The following GMPS variants were observed in gnomAD, a reference collection of about 807,000 sequenced individuals.
GMPS encodes guanosine monophosphate synthase, also known as GMP synthase [glutamine-hydrolyzing].
In GMPS, 15 loss-of-function variants were observed where a neutral mutation model predicts 77.9. The ratio of observed to expected loss-of-function variants is 0.19; its 90% CI spans 0.13 to 0.30. The LOEUF (loss-of-function observed/expected upper bound fraction) is 0.30. GMPS is among the 10% of genes least tolerant of loss of function. GMPS has a pLI of 1.00. For missense variants in GMPS, 590 were observed against 838.8 expected (o/e 0.70, Z 3.66); for synonymous variants, 224 against 275.9 (o/e 0.81, Z 1.86).
At position 155,910,046 on chromosome 3, in the gene GMPS, C is replaced by T. The variant is rs1206932119; in HGVS notation, c.527-646C>T. Among the ~76,000 whole-genome samples, 3 of 150,924 alleles carry T rather than the reference C, an allele frequency of 2.0e-5. 1 individual carries two copies. Among genetic ancestry groups the T allele is most frequent in the Non-Finnish European group, 4.4e-5 (3 of 67,862 alleles). ...GATTACAAGGTCAGGAGATCAAGAC[C>T]AGCCTGGCCAATATGGTGAAACCCT... On this transcript the variant is annotated intron_variant, in intron 5 of 15. Transcript: ENST00000496455.
intron 12 of GMPS, 110 bp from the exon 13 acceptor site, chr3:155,931,655 T>C: frequency 1.8e-6 from 1 of 554,412 alleles, no homozygotes; most frequent in Non-Finnish European, 3.2e-6. Context: ...GCATAAGATA[T>C]TTTTCAATGC....
At chr3:155,906,327 C>T (rs1475789580) in intron 5 of GMPS, 64 bp downstream of exon 5, 5 of 864,780 alleles carry the variant, frequency 5.8e-6, no homozygotes, top group Non-Finnish European at 9.6e-6. Context: ...TAAGCATATG[C>T]TTCTGTATGA....
chr3:155,935,450 C>T (rs990036941), intron 14 of GMPS, among the ~76,000 whole-genome samples: 3 of 152,226 alleles, frequency 2.0e-5, no homozygotes, highest in Non-Finnish European at 4.4e-5. Context: ...TCAGGCCAGC[C>T]TTGGCCTCCC....
At chr3:155,875,948 G>A (rs1254436605) in intron 1 of GMPS, among the ~76,000 whole-genome samples, 1 of 151,944 alleles carries the variant, frequency 6.6e-6, no homozygotes, top group African/African-American at 2.4e-5. Context: ...TCTCTAAACT[G>A]GGGCACATGA....
chr3:155,928,871 AT>A (rs1479912120), intron 12 of GMPS, among the ~76,000 whole-genome samples: 2 of 151,434 alleles, frequency 1.3e-5, no homozygotes, highest in African/African-American at 4.8e-5. Context: ...TGAACTCATC[AT>A]TTTTTATGGC....
intron 1 of GMPS, among the ~76,000 whole-genome samples, chr3:155,884,891 A>C (rs1460358742): frequency 6.6e-6 from 1 of 152,186 alleles, no homozygotes; most frequent in Non-Finnish European, 1.5e-5. Flanking sequence ...TCAGCTGTTC[A>C]TTATATTCTG....
chr3:155,911,105 AC>A lies in GMPS; in HGVS notation c.721-5del. The A allele has an allele frequency of 1.3e-6, 2 of 1,580,090 alleles. No homozygotes were observed. Among genetic ancestry groups the A allele is most frequent in the Non-Finnish European group, 1.7e-6 (2 of 1,164,860 alleles). On this transcript the variant is annotated splice_region_variant and splice_polypyrimidine_tract_variant and intron_variant, in intron 6 of 15. Transcript: ENST00000496455. ...TTTGCTCATTTTGATTTTTCATTTT[AC>A]CCCGTAGGTTTTACTCAGTGGTGGA...
At chr3:155,908,933 T>C (rs184112342) in intron 5 of GMPS, among the ~76,000 whole-genome samples, 1 of 152,166 alleles carries the variant, frequency 6.6e-6, no homozygotes, top group East Asian at 1.9e-4. Flanking sequence ...TTAGAATATT[T>C]AGAAAAGAGA....
Position 155,931,766 on chromosome 3 carries a change from G to T in GMPS, c.1562G>T (p.Gly521Val), listed in dbSNP as rs1351411216. 2.1e-5 allele frequency: 28 copies of T among 1,311,192 alleles called. No homozygotes were observed. The highest frequency in any genetic ancestry group is 2.9e-5 in the Non-Finnish European group (26 of 908,614). 81.2% of individuals were successfully genotyped at this position (1,311,192 alleles called of 1,614,324 possible). A position where few individuals can be genotyped will look rare whatever the true frequency, so the allele number is the denominator to read the frequency against. Residue 521 changes from glycine (G) to valine (V), a missense_variant and splice_region_variant, in exon 13 of 16, where the codon GGT (glycine) becomes GTT (valine). Physicochemically the swap from Gly to Val is moderately radical, Grantham distance 109. Coordinates refer to ENST00000496455, the MANE Select transcript of GMPS (RefSeq NM_003875.3). ...LLPIKTVGVQ[G>V]DCRSYSYVCG... ...TATTGATTATCTTTTTATTTTCAGG[G>T]TGACTGTCGTTCCTACAGTTACGTG...
intron 15 of GMPS, among the ~76,000 whole-genome samples, chr3:155,937,357 A>C (rs1755788008): frequency 6.6e-6 from 1 of 152,236 alleles, no homozygotes; most frequent in South Asian, 2.1e-4. Context: ...TTTGTGGATC[A>C]CACTTTGAGT....
chr3:155,892,004 A>AT lies in GMPS; in HGVS notation c.28-1512dup, dbSNP rs144281780. ...GGAGAAGGGAGGAATGGTGGAAAAG[A>AT]TTACACAAGTGGCTAAAGGACTGAC... On this transcript the variant is annotated intron_variant, in intron 1 of 15. Transcript: ENST00000496455. Among the ~76,000 whole-genome samples, 296 of 152,312 alleles carry AT rather than the reference A, an allele frequency of 1.9e-3. 1 individual carries two copies. The highest frequency in any genetic ancestry group is 6.6e-3 in the African/African-American group (275 of 41,582).
chr3:155,893,810 GT>G, intron 2 of GMPS, 111 bp downstream of exon 2: 1 of 600,332 alleles, frequency 1.7e-6, no homozygotes, highest in Non-Finnish European at 2.7e-6. Context: ...ATATGGAATG[GT>G]TTTATGAGAA....
intron 2 of GMPS, among the ~76,000 whole-genome samples, chr3:155,896,530 A>T (rs981273024): frequency 6.6e-6 from 1 of 151,982 alleles, no homozygotes; most frequent in African/African-American, 2.4e-5. Flanking sequence ...CTGTTTTTTT[A>T]AAAAATGATC....
intron 13 of GMPS, among the ~76,000 whole-genome samples, chr3:155,932,962 C>G (rs918192628): frequency 6.6e-6 from 1 of 152,126 alleles, no homozygotes; most frequent in African/African-American, 2.4e-5. Flanking sequence ...GAGGCCAAGG[C>G]GAGTGGATCA....
In GMPS at chr3:155,937,829, C is replaced by T. The variant is rs1027606436; in HGVS notation, c.*137C>T. ...CTGAGTTCTCCACAGCAAAAATCTA[C>T]GGCTTAAGAGCTGAGTTGGGGATAA... On this transcript the variant is annotated 3_prime_UTR_variant, in exon 16 of 16. Coordinates refer to ENST00000496455, the MANE Select transcript of GMPS (RefSeq NM_003875.3). The T allele has an allele frequency of 6.4e-5, 38 of 590,130 alleles. No individual in the cohort carries two copies. The highest frequency in any genetic ancestry group is 1.1e-4 in the East Asian group (4 of 35,838). 36.6% of individuals were successfully genotyped at this position (590,130 alleles called of 1,614,324 possible).
chr3:155,915,989 A>T, intron 8 of GMPS, 30 bp from the exon 9 acceptor site: 1 of 1,549,286 alleles, frequency 6.5e-7, no homozygotes, highest in South Asian at 1.2e-5. Context: ...GTTATCTCTT[A>T]CAAGGCTGTT....
rs976151914 is a variant in GMPS, at chr3:155,932,313, C to T, written c.1676+433C>T. ...ACACACACACACACACACACACACACACCCCTACAAAACAAACAACCCCCA... is the reference window on the plus strand; with the variant it reads ...ACACACACACACACACACACACACATACCCCTACAAAACAAACAACCCCCA... On this transcript the variant is annotated intron_variant, in intron 13 of 15. Coordinates refer to ENST00000496455, the MANE Select transcript of GMPS (RefSeq NM_003875.3). 7.9e-4 allele frequency among the ~76,000 whole-genome samples: 119 copies of T among 151,580 alleles called. 1 individual carries two copies. Among genetic ancestry groups the T allele is most frequent in the African/African-American group, 2.8e-3 (116 of 41,266 alleles).
chr3:155,932,306 A>ACACACACACC (rs1172900695), intron 13 of GMPS, among the ~76,000 whole-genome samples: 1 of 151,868 alleles, frequency 6.6e-6, no homozygotes, highest in Admixed American at 6.6e-5. Context: ...ACACACACAC[A>ACACACACACC]CACACACACC....
rs35910218 is a variant in GMPS at position 155,910,873 on chromosome 3, G to A, written c.708G>A (p.Thr236=). 2,196 of 1,573,968 alleles carry A rather than the reference G, an allele frequency of 1.4e-3. 27 individuals are homozygous for A. The African/African-American group carries it at 0.025, about 18-fold the overall frequency. ...CIREIKERVG[T]SKVLVLLSGG... The stretch of plus-strand genomic sequence containing the variant: ...GAGAGATCAAAGAGAGAGTAGGCAC[G>A]TCAAAAGTTTTGGTAAGCAAATTAT... The change falls in exon 6 of 16, where the codon ACG becomes ACA. Residue 236 remains threonine, a synonymous_variant. Coordinates refer to ENST00000496455, the MANE Select transcript of GMPS (RefSeq NM_003875.3).
Sources: allele counts gnomAD v4.1 joint callset (sites outside exome capture counted in the v4.1 genomes callset), GRCh38; gene constraint gnomAD v4.1.1; transcripts MANE v1.5; gene names NCBI Gene and HGNC (gene_info 2026-07-23, HGNC 2026-07-21).